The following MCCD1 variants were observed in gnomAD, a reference collection of about 807,000 sequenced individuals.
MCCD1 encodes mitochondrial coiled-coil domain 1, also known as mitochondrial coiled-coil domain protein 1.
MCCD1 carries 5 observed loss-of-function variants against 5.6 expected under a neutral mutation model. The ratio of observed to expected loss-of-function variants is 0.89; its 90% CI spans 0.46 to 1.87. The LOEUF (loss-of-function observed/expected upper bound fraction) is 1.87. Among genes scored for constraint, MCCD1 ranks in the 40% most tolerant of loss-of-function variants. The pLI is 0.01. For synonymous variants in MCCD1, 70 were observed against 57.3 expected (o/e 1.22, Z -1.00); for missense variants, 178 against 141.8 (o/e 1.26, Z -1.30).
rs1488929388 is a variant in MCCD1 at position 31,529,143 on chromosome 6, G to A, written c.129G>A (p.Gln43=). Reference sequence around the variant, plus strand: ...ACCCCAAAGCAAGCATGGAAGAGCAGACCAGCTCCAGAGGAAATGGGAAGA... The same window carrying A: ...ACCCCAAAGCAAGCATGGAAGAGCAAACCAGCTCCAGAGGAAATGGGAAGA... ...SQNPKASMEE[Q]TSSRGNGKMT... is the part of the protein sequence containing the mutation. Residue 43 remains glutamine, a synonymous_variant, in exon 1 of 2, where the codon CAG becomes CAA. Coordinates refer to ENST00000376191, the MANE Select transcript of MCCD1 (RefSeq NM_001011700.3). 1.5e-5 allele frequency: 24 copies of A among 1,612,718 alleles called. No individual in the cohort carries two copies. Among genetic ancestry groups the A allele is most frequent in the Non-Finnish European group, 1.4e-5 (16 of 1,179,854 alleles).
chr6:31,529,393 A>C (rs1374057264), intron 1 of MCCD1, among the ~76,000 whole-genome samples: 1 of 114,666 alleles, frequency 8.7e-6, no homozygotes, highest in African/African-American at 3.4e-5. Flanking sequence ...CCACAACAGC[A>C]CAGTCCACAA....
In MCCD1 at chr6:31,529,815, G is replaced by A; in HGVS notation, c.240G>A (p.Leu80=). ...AGTTGTTGGAGCAGCAGCTGGAGCT[G>A]TACCAGGCCCTCCTTGAAGGGCAGG... ...AEELLEQQLE[L]YQALLEGQEG... is the part of the protein sequence containing the mutation. The change falls in exon 2 of 2, where the codon CTG becomes CTA. Residue 80 remains leucine (L), a synonymous_variant. Coordinates refer to ENST00000376191, the MANE Select transcript of MCCD1 (RefSeq NM_001011700.3). 6.2e-7 allele frequency: 1 copy of A among 1,600,464 alleles called. No homozygotes were observed. Among genetic ancestry groups the A allele is most frequent in the South Asian group, 1.1e-5 (1 of 89,294 alleles).
rs756340259 is a variant in MCCD1 at position 31,529,163 on chromosome 6, GGAA to G, written c.152_154del (p.Lys51del). 6.2e-7 allele frequency: 1 copy of G among 1,612,552 alleles called. No homozygotes were observed. The highest frequency in any genetic ancestry group is 8.5e-7 in the Non-Finnish European group (1 of 1,179,776). ...GAGCAGACCAGCTCCAGAGGAAATG[GGAA>G]GATGACGTCCCCTCCCAGGGTAAGT... On this transcript the variant is annotated inframe_deletion, in exon 1 of 2. Coordinates refer to ENST00000376191, the MANE Select transcript of MCCD1 (RefSeq NM_001011700.3).
At position 31,529,963 on chromosome 6, in the gene MCCD1, C is replaced by T. The variant is rs745686400; in HGVS notation, c.*28C>T. On this transcript the variant is annotated 3_prime_UTR_variant, in exon 2 of 2. Transcript: ENST00000376191. ...TTCCCCCAGTGCCCACAGCACCCTCCGGCGCTGAAAATACACGCACCACCC... is the reference window on the plus strand; with the variant it reads ...TTCCCCCAGTGCCCACAGCACCCTCTGGCGCTGAAAATACACGCACCACCC... 3.4e-6 allele frequency: 5 copies of T among 1,474,658 alleles called. No homozygotes were observed. In the South Asian group the frequency reaches 4.0e-5, roughly 12 times the overall value. The allele number at this position is 1,474,658 out of a possible 1,614,324, so 91.3% of individuals were successfully genotyped here. A position where few individuals can be genotyped will look rare whatever the true frequency, so the allele number is the denominator to read the frequency against.
chr6:31,529,844 G>C lies in MCCD1; in HGVS notation c.269G>C (p.Gly90Ala), dbSNP rs771943561. The C allele has an allele frequency of 3.0e-5, 48 of 1,589,754 alleles. No individual in the cohort carries two copies. Among genetic ancestry groups the C allele is most frequent in the Non-Finnish European group, 3.9e-5 (46 of 1,170,054 alleles). Residue 90 changes from glycine to alanine, a missense_variant, in exon 2 of 2, where the codon GGA (glycine) becomes GCA (alanine). Physicochemically the swap from Gly to Ala is moderately conservative, Grantham distance 60. Transcript: ENST00000376191. The stretch of plus-strand genomic sequence containing the variant: ...CAGGCCCTCCTTGAAGGGCAGGAGG[G>C]AGCCTGGGAGGCCCAAGCCCTGGTG... Reference protein sequence around the residue: ...LYQALLEGQEGAWEAQALVLK... With the variant: ...LYQALLEGQEAAWEAQALVLK...
chr6:31,529,701 AG>A, intron 1 of MCCD1, 45 bp from the exon 2 acceptor site: 1 of 1,397,666 alleles, frequency 7.2e-7, no homozygotes, highest in Non-Finnish European at 9.3e-7. Context: ...CCAGGGCCTC[AG>A]CCCCCTGCCC....
chr6:31,529,376 C>G (rs1338840948), intron 1 of MCCD1, among the ~76,000 whole-genome samples, 191 bp downstream of exon 1: 1 of 149,456 alleles, frequency 6.7e-6, no homozygotes, highest in Admixed American at 6.7e-5. Context: ...CCTCACCCCA[C>G]CCCCACCCAC....
chr6:31,530,134 G>C lies in MCCD1; in HGVS notation c.*199G>C. 1 of 1,127,048 alleles carries C rather than the reference G, an allele frequency of 8.9e-7. No homozygotes were observed. The highest frequency in any genetic ancestry group is 1.2e-6 in the Non-Finnish European group (1 of 824,512). 69.8% of individuals were successfully genotyped at this position (1,127,048 alleles called of 1,614,324 possible). ...CCATTCCCCTTTGATCTCACAGCAG[G>C]CAGGGCACCCAGGCCTTATAGGAAT... On this transcript the variant is annotated 3_prime_UTR_variant, in exon 2 of 2. Coordinates refer to ENST00000376191, the MANE Select transcript of MCCD1 (RefSeq NM_001011700.3). This position sits in a 1 kb window ranked among gnomAD's most constrained non-coding sequence, Gnocchi z 4.5.
At position 31,530,117 on chromosome 6, in the gene MCCD1, C is replaced by T; in HGVS notation, c.*182C>T. On this transcript the variant is annotated 3_prime_UTR_variant, in exon 2 of 2. Coordinates refer to ENST00000376191, the MANE Select transcript of MCCD1 (RefSeq NM_001011700.3). This position sits in a 1 kb window ranked among gnomAD's most constrained non-coding sequence, Gnocchi z 4.5. The stretch of plus-strand genomic sequence containing the variant: ...GCTCTGCAGTCTTAGTCCCATTCCC[C>T]TTTGATCTCACAGCAGGCAGGGCAC... The T allele has an allele frequency of 3.2e-6, 4 of 1,245,744 alleles. No homozygotes were observed. The highest frequency in any genetic ancestry group is 4.3e-6 in the Non-Finnish European group (4 of 930,480). 77.2% of individuals were successfully genotyped at this position (1,245,744 alleles called of 1,614,324 possible). A position where few individuals can be genotyped will look rare whatever the true frequency, so the allele number is the denominator to read the frequency against.
At position 31,529,100 on chromosome 6, in the gene MCCD1, A is replaced by G. The variant is rs1766827257; in HGVS notation, c.86A>G (p.His29Arg). 1 of 1,612,556 alleles carries G rather than the reference A, an allele frequency of 6.2e-7. No individual in the cohort carries two copies. The highest frequency in any genetic ancestry group is 8.5e-7 in the Non-Finnish European group (1 of 1,179,778). ...PSWSLAPQGS[H>R]GCCSQNPKAS... is the part of the protein sequence containing the mutation. ...TGGTCCTTGGCACCCCAGGGCTCCC[A>G]TGGGTGCTGCTCCCAAAACCCCAAA... The change falls in exon 1 of 2, where the codon CAT becomes CGT. Residue 29 changes from histidine (H) to arginine (R), a missense_variant. Physicochemically the swap from His to Arg is conservative, Grantham distance 29. Coordinates refer to ENST00000376191, the MANE Select transcript of MCCD1 (RefSeq NM_001011700.3).
At chr6:31,529,429 C>A (rs1028965981) in intron 1 of MCCD1, among the ~76,000 whole-genome samples, 1 of 150,846 alleles carries the variant, frequency 6.6e-6, no homozygotes, top group Non-Finnish European at 1.5e-5. Context: ...TCTATTCCCC[C>A]TCACCTAACA....
Position 31,529,818 on chromosome 6 carries a change from C to T in MCCD1, c.243C>T (p.Tyr81=), listed in dbSNP as rs2150321869. The T allele has an allele frequency of 6.2e-7, 1 of 1,600,316 alleles. No individual in the cohort carries two copies. Among genetic ancestry groups the T allele is most frequent in the Non-Finnish European group, 8.5e-7 (1 of 1,174,524 alleles). Residue 81 remains tyrosine, a synonymous_variant, in exon 2 of 2, where the codon TAC becomes TAT. Coordinates refer to ENST00000376191, the MANE Select transcript of MCCD1 (RefSeq NM_001011700.3). ...EELLEQQLEL[Y]QALLEGQEGA... The stretch of plus-strand genomic sequence containing the variant: ...TGTTGGAGCAGCAGCTGGAGCTGTA[C>T]CAGGCCCTCCTTGAAGGGCAGGAGG...
At chr6:31,529,638 G>T (rs1423613158) in intron 1 of MCCD1, 109 bp from the exon 2 acceptor site, 19 of 1,288,272 alleles carry the variant, frequency 1.5e-5, no homozygotes, top group South Asian at 8.7e-5. Context: ...GTTCAAAAAC[G>T]AATAGGGAAG....
rs773414150 is a variant in MCCD1 at position 31,528,998 on chromosome 6, C to T, written c.-17C>T. ...GCCGTTGGACAGCTCACACAGCTCC[C>T]TGCCAGGTCACCCGCCATGGTCCTC... On this transcript the variant is annotated 5_prime_UTR_variant, in exon 1 of 2. Coordinates refer to ENST00000376191, the MANE Select transcript of MCCD1 (RefSeq NM_001011700.3). The T allele has an allele frequency of 7.5e-6, 12 of 1,608,912 alleles. No individual in the cohort carries two copies. The highest frequency in any genetic ancestry group is 1.3e-5 in the African/African-American group (1 of 74,894).
intron 1 of MCCD1, 130 bp downstream of exon 1, chr6:31,529,315 C>T (rs1174732838): frequency 7.8e-6 from 8 of 1,023,412 alleles, no homozygotes; most frequent in Non-Finnish European, 1.1e-5. Context: ...CTTAGTTCAG[C>T]TACCAACTCC....
In MCCD1 at chr6:31,529,753, G is replaced by T. The variant is rs761710291; in HGVS notation, c.178G>T (p.Gly60Trp). Reference sequence around the variant, plus strand: ...CCCTTAATTCCCTGACCAGGGCCCTGGGACCCACCGCACAGCTGAGCTGGC... The same window carrying T: ...CCCTTAATTCCCTGACCAGGGCCCTTGGACCCACCGCACAGCTGAGCTGGC... ...GKMTSPPRGP[G>W]THRTAELARA... is the part of the protein sequence containing the mutation. The change falls in exon 2 of 2, where the codon GGG (glycine) becomes TGG (tryptophan). Residue 60 changes from glycine to tryptophan, a missense_variant. Gly to Trp is a radical substitution (Grantham distance 184, BLOSUM62 -2). Transcript: ENST00000376191. 2 of 1,495,608 alleles carry T rather than the reference G, an allele frequency of 1.3e-6. No individual in the cohort carries two copies. Among genetic ancestry groups the T allele is most frequent in the Non-Finnish European group, 1.8e-6 (2 of 1,117,362 alleles). 92.6% of individuals were successfully genotyped at this position (1,495,608 alleles called of 1,614,324 possible).
Position 31,529,022 on chromosome 6 carries a change from T to A in MCCD1, c.8T>A (p.Leu3His). Residue 3 changes from leucine (L) to histidine (H), a missense_variant, in exon 1 of 2, where the codon CTC (leucine) becomes CAC (histidine). Leu to His is a moderately conservative substitution (Grantham distance 99). Coordinates refer to ENST00000376191, the MANE Select transcript of MCCD1 (RefSeq NM_001011700.3). ...CCTGCCAGGTCACCCGCCATGGTCC[T>A]CCCTCTGCCCTGGCTCTCTCGGTAC... MV[L>H]PLPWLSRYHF... 1 of 1,611,962 alleles carries A rather than the reference T, an allele frequency of 6.2e-7. No individual in the cohort carries two copies. The highest frequency in any genetic ancestry group is 8.5e-7 in the Non-Finnish European group (1 of 1,179,328).
In MCCD1 at chr6:31,530,037, G is replaced by T. The variant is rs773625249; in HGVS notation, c.*102G>T. ...CACCCCAGCGTCTTCCCAGGCCAGA[G>T]AAAGTGGAAGAGACCACAAAGCGCA... On this transcript the variant is annotated 3_prime_UTR_variant, in exon 2 of 2. Transcript: ENST00000376191. The surrounding 1 kb of genome is among the most constrained non-coding windows in gnomAD (Gnocchi z 4.5). The T allele has an allele frequency of 1.4e-6, 2 of 1,426,464 alleles. No individual in the cohort carries two copies. The highest frequency in any genetic ancestry group is 2.9e-5 in the African/African-American group (2 of 68,962). The allele number at this position is 1,426,464 out of a possible 1,614,324, so 88.4% of individuals were successfully genotyped here. A position where few individuals can be genotyped will look rare whatever the true frequency, so the allele number is the denominator to read the frequency against.
intron 1 of MCCD1, 79 bp downstream of exon 1, chr6:31,529,264 C>T: frequency 2.1e-6 from 3 of 1,418,166 alleles, no homozygotes; most frequent in Admixed American, 3.9e-5. Flanking sequence ...TCAATCCCAC[C>T]CTGCACCACC....
Sources: allele counts gnomAD v4.1 joint callset (sites outside exome capture counted in the v4.1 genomes callset), GRCh38; gene constraint gnomAD v4.1.1; non-coding constraint Gnocchi (gnomAD v3.1); transcripts MANE v1.5; gene names NCBI Gene and HGNC (gene_info 2026-07-23, HGNC 2026-07-21).